PDE6D: variants seen among roughly 807,000 people sequenced by gnomAD.
PDE6D encodes retinal rod rhodopsin-sensitive cGMP 3',5'-cyclic phosphodiesterase subunit delta.
A neutral mutation model predicts 21.9 loss-of-function variants in PDE6D; 10 were observed. The ratio of observed to expected loss-of-function variants is 0.46; its 90% CI spans 0.28 to 0.78. The LOEUF is 0.78. Among genes scored for constraint, PDE6D ranks in the 30% least tolerant of loss-of-function variants. The probability of loss-of-function intolerance (pLI) is 0.12; values close to 1 mark genes in which losing one functional copy is unlikely to be tolerated. For missense variants in PDE6D, 139 were observed against 184.8 expected (o/e 0.75, Z 1.44); for synonymous variants, 59 against 63.5 (o/e 0.93, Z 0.34).
chr2:231,781,028 A>T (rs754820679), intron 1 of PDE6D, 37 bp downstream of exon 1: 1 of 1,590,838 alleles, frequency 6.3e-7, no homozygotes, highest in South Asian at 1.1e-5. Flanking sequence ...GCCGCCTCCC[A>T]AGTCCTCCCG....
intron 1 of PDE6D, among the ~76,000 whole-genome samples, chr2:231,755,159 G>A (rs1380564432): frequency 2.6e-5 from 4 of 152,164 alleles, no homozygotes; most frequent in African/African-American, 7.2e-5. Flanking sequence ...ATGCTGGTAC[G>A]CTGATCTCAG....
intron 1 of PDE6D, among the ~76,000 whole-genome samples, chr2:231,772,131 AGTT>A (rs1204522402): frequency 6.6e-6 from 1 of 151,628 alleles, no homozygotes; most frequent in South Asian, 2.1e-4. Context: ...TCTTTAGAAC[AGTT>A]GTTTTTTTTT....
intron 1 of PDE6D, among the ~76,000 whole-genome samples, chr2:231,755,753 T>C (rs112937870): frequency 0.063 from 9,535 of 152,108 alleles, 923 homozygotes; most frequent in African/African-American, 0.21. Context: ...AAACCCCGTC[T>C]CTACTAAAAA....
intron 1 of PDE6D, among the ~76,000 whole-genome samples, chr2:231,762,732 A>G (rs1436801797): frequency 6.6e-6 from 1 of 152,162 alleles, no homozygotes; most frequent in African/African-American, 2.4e-5. Context: ...TGTTTGTTTC[A>G]AAGTTTTTCA....
intron 1 of PDE6D, among the ~76,000 whole-genome samples, chr2:231,768,408 T>C (rs2048989283): frequency 6.6e-6 from 1 of 152,080 alleles, no homozygotes; most frequent in African/African-American, 2.4e-5. Flanking sequence ...TTGTTGTTGT[T>C]GAGATGGAGT....
intron 1 of PDE6D, among the ~76,000 whole-genome samples, chr2:231,747,647 T>G (rs941538324): frequency 6.6e-6 from 1 of 152,214 alleles, no homozygotes; most frequent in Non-Finnish European, 1.5e-5. Flanking sequence ...TGTCAATCCC[T>G]GGCTTTCCTC....
intron 4 of PDE6D, among the ~76,000 whole-genome samples, chr2:231,736,770 A>G (rs1348757574): frequency 1.3e-5 from 2 of 152,210 alleles, no homozygotes; most frequent in Non-Finnish European, 2.9e-5. Flanking sequence ...GCAAATTAAC[A>G]TAGATTCGGT....
intron 1 of PDE6D, among the ~76,000 whole-genome samples, chr2:231,764,161 G>T (rs990984863): frequency 6.6e-6 from 1 of 151,326 alleles, no homozygotes; most frequent in African/African-American, 2.4e-5. Flanking sequence ...GCTCAAGCTT[G>T]TAATCCCAGC....
chr2:231,764,276 A>AT (rs1470942830), intron 1 of PDE6D, among the ~76,000 whole-genome samples: 1 of 152,046 alleles, frequency 6.6e-6, no homozygotes, highest in Non-Finnish European at 1.5e-5. Flanking sequence ...AATTAGCTAC[A>AT]TGTGGTGGTG....
intron 1 of PDE6D, among the ~76,000 whole-genome samples, chr2:231,771,756 G>A (rs1352796965): frequency 6.6e-6 from 1 of 152,138 alleles, no homozygotes; most frequent in Non-Finnish European, 1.5e-5. Flanking sequence ...AAACAATTGG[G>A]TCACAAAAAA....
intron 1 of PDE6D, among the ~76,000 whole-genome samples, chr2:231,749,843 A>T (rs2048824045): frequency 6.6e-6 from 1 of 151,828 alleles, no homozygotes; most frequent in Non-Finnish European, 1.5e-5. Context: ...CTCAGATGAG[A>T]CTTTGGACTG....
chr2:231,738,166 C>G (rs371823134), intron 2 of PDE6D, 28 bp from the exon 3 acceptor site: 4 of 1,596,508 alleles, frequency 2.5e-6, no homozygotes, highest in Non-Finnish European at 3.4e-6. Context: ...AATGTTGAAG[C>G]CTTTCTAAAT....
chr2:231,743,956 C>T (rs775317857), intron 1 of PDE6D, among the ~76,000 whole-genome samples: 2 of 152,202 alleles, frequency 1.3e-5, no homozygotes, highest in Admixed American at 6.5e-5. Flanking sequence ...AGTCCTCATT[C>T]GACCTTCTCT....
chr2:231,766,169 G>A (rs144285556), intron 1 of PDE6D, among the ~76,000 whole-genome samples: 12 of 152,282 alleles, frequency 7.9e-5, no homozygotes, highest in African/African-American at 2.9e-4. Context: ...TGTAATCAGT[G>A]GTGATATCCC....
At chr2:231,763,222 A>C (rs532885173) in intron 1 of PDE6D, among the ~76,000 whole-genome samples, 34 of 152,326 alleles carry the variant, frequency 2.2e-4, no homozygotes, top group African/African-American at 7.7e-4. Flanking sequence ...TAGAGAGCCA[A>C]AGGAACAGTA....
At chr2:231,742,473 CTAACTT>C (rs1461199595) in intron 1 of PDE6D, among the ~76,000 whole-genome samples, 1 of 152,044 alleles carries the variant, frequency 6.6e-6, no homozygotes, top group Non-Finnish European at 1.5e-5. Context: ...AAAATAAAGA[CTAACTT>C]TAAGAAGAGA....
At chr2:231,747,370 C>T (rs910085524) in intron 1 of PDE6D, among the ~76,000 whole-genome samples, 3 of 152,196 alleles carry the variant, frequency 2.0e-5, no homozygotes, top group Admixed American at 6.5e-5. Context: ...GGATTACAGG[C>T]GTGAGCCACC....
At chr2:231,745,627 A>C (rs926541824) in intron 1 of PDE6D, among the ~76,000 whole-genome samples, 3 of 152,210 alleles carry the variant, frequency 2.0e-5, no homozygotes, top group South Asian at 2.1e-4. Flanking sequence ...ATAAGGAAGC[A>C]CTTTCGTATG....
At chr2:231,733,950 T>A (rs565123581) in intron 4 of PDE6D, among the ~76,000 whole-genome samples, 2 of 152,076 alleles carry the variant, frequency 1.3e-5, no homozygotes, top group Non-Finnish European at 2.9e-5. Flanking sequence ...CGGTGGCTCA[T>A]GCCTGTAATC....
Sources: allele counts gnomAD v4.1 joint callset (sites outside exome capture counted in the v4.1 genomes callset), GRCh38; gene constraint gnomAD v4.1.1; transcripts MANE v1.5; gene names NCBI Gene and HGNC (gene_info 2026-07-23, HGNC 2026-07-21).